The following TNNI3K variants were observed in gnomAD, a reference collection of about 807,000 sequenced individuals.
The protein encoded by TNNI3K is TNNI3 interacting kinase.
Under a neutral mutation model 114.5 loss-of-function variants are expected in TNNI3K, and 140 were observed. The observed-to-expected ratio is 1.22, with a 90% CI of 1.07 to 1.41. TNNI3K has a LOEUF of 1.41. Among genes scored for constraint, TNNI3K ranks in the 40% most tolerant of loss-of-function variants. TNNI3K has a pLI of 0.00. For synonymous variants in TNNI3K, 347 were observed against 347.5 expected (o/e 1.00, Z 0.02); for missense variants, 1,125 against 1,007.6 (o/e 1.12, Z -1.58).
At chr1:74,332,956 CAAAAAAA>C (rs796977281) in intron 6 of TNNI3K, among the ~76,000 whole-genome samples, 10 of 92,700 alleles carry the variant, frequency 1.1e-4, no homozygotes, top group Non-Finnish European at 2.0e-4. Context: ...CTGAAAATAA[CAAAAAAA>C]AAAAAAAAAA....
chr1:74,527,100 C>T (rs369399612), intron 23 of TNNI3K, among the ~76,000 whole-genome samples: 5 of 152,300 alleles, frequency 3.3e-5, no homozygotes, highest in South Asian at 4.1e-4. Context: ...AAACTGTATA[C>T]ATTGGAAATC....
chr1:74,289,294 T>G (rs1657524086), intron 5 of TNNI3K, among the ~76,000 whole-genome samples: 1 of 152,002 alleles, frequency 6.6e-6, no homozygotes, highest in Non-Finnish European at 1.5e-5. Context: ...TGATCACATT[T>G]TGTCTTTAAA....
chr1:74,459,217 C>T (rs1188019288), intron 20 of TNNI3K, among the ~76,000 whole-genome samples: 1 of 152,132 alleles, frequency 6.6e-6, no homozygotes, highest in Non-Finnish European at 1.5e-5. Flanking sequence ...AGGCCATTAT[C>T]CTAAGGGAAA....
chr1:74,491,424 T>G (rs12097159), intron 22 of TNNI3K, among the ~76,000 whole-genome samples: 4,856 of 152,270 alleles, frequency 0.032, 196 homozygotes, highest in East Asian at 0.15. Context: ...TTCACCATGT[T>G]GACCAGATGG....
intron 17 of TNNI3K, among the ~76,000 whole-genome samples, chr1:74,406,076 A>G (rs773637628): frequency 1.3e-5 from 2 of 152,186 alleles, no homozygotes; most frequent in Non-Finnish European, 2.9e-5. Flanking sequence ...TTGATCTCCT[A>G]TTGGGAGGCT....
chr1:74,515,565 G>A (rs959337510), intron 23 of TNNI3K, among the ~76,000 whole-genome samples: 1 of 152,100 alleles, frequency 6.6e-6, no homozygotes, highest in African/African-American at 2.4e-5. Context: ...GTCTAATTAG[G>A]GCAGAAGTCA....
chr1:74,490,367 T>C (rs1444034170), intron 22 of TNNI3K, among the ~76,000 whole-genome samples: 2 of 152,206 alleles, frequency 1.3e-5, no homozygotes, highest in Non-Finnish European at 2.9e-5. Flanking sequence ...AAGACTTGAA[T>C]TTAAAATATC....
At chr1:74,461,501 A>C (rs1363689823) in intron 20 of TNNI3K, among the ~76,000 whole-genome samples, 1 of 149,960 alleles carries the variant, frequency 6.7e-6, no homozygotes, top group Non-Finnish European at 1.5e-5. Context: ...AAAAAAAAAG[A>C]GTAACCAGTG....
At chr1:74,388,509 T>C (rs1320160606) in intron 17 of TNNI3K, among the ~76,000 whole-genome samples, 1 of 152,104 alleles carries the variant, frequency 6.6e-6, no homozygotes, top group Non-Finnish European at 1.5e-5. Context: ...AACTAATCAG[T>C]CTCCCTCTCC....
At chr1:74,481,017 G>A (rs1392754275) in intron 21 of TNNI3K, 5 of 660,650 alleles carry the variant, frequency 7.6e-6, no homozygotes, top group South Asian at 7.0e-5. Context: ...ATGAGTGGGA[G>A]GGAGGGGGTA....
chr1:74,482,498 C>A (rs1210922859), intron 21 of TNNI3K, among the ~76,000 whole-genome samples: 1 of 152,138 alleles, frequency 6.6e-6, no homozygotes, highest in African/African-American at 2.4e-5. Flanking sequence ...ATCAACTATC[C>A]ATGAAAACCT....
chr1:74,295,002 A>G (rs574172269), intron 5 of TNNI3K, among the ~76,000 whole-genome samples: 54 of 151,968 alleles, frequency 3.6e-4, no homozygotes, highest in African/African-American at 1.3e-3. Flanking sequence ...ATTGTTTAAT[A>G]TTTACATTTA....
chr1:74,452,521 A>G (rs1463722221), intron 20 of TNNI3K, among the ~76,000 whole-genome samples: 4 of 152,118 alleles, frequency 2.6e-5, no homozygotes, highest in Non-Finnish European at 4.4e-5. Context: ...TCTGAAATCC[A>G]TCCAGTTATC....
chr1:74,259,329 A>C (rs904343778), intron 4 of TNNI3K, among the ~76,000 whole-genome samples: 2 of 152,344 alleles, frequency 1.3e-5, no homozygotes, highest in African/African-American at 4.8e-5. Flanking sequence ...TAAAGGCCCA[A>C]GAACGAGGAT....
chr1:74,404,312 A>G (rs958913700), intron 17 of TNNI3K, among the ~76,000 whole-genome samples: 2 of 151,922 alleles, frequency 1.3e-5, no homozygotes, highest in Non-Finnish European at 2.9e-5. Flanking sequence ...TTGTTTCTCT[A>G]TCTATTGCTC....
At chr1:74,445,232 T>C (rs1301709464) in intron 20 of TNNI3K, among the ~76,000 whole-genome samples, 6 of 141,356 alleles carry the variant, frequency 4.2e-5, no homozygotes, top group Admixed American at 2.1e-4. Context: ...TTTTTTTTTT[T>C]ATTATACTTT....
intron 17 of TNNI3K, among the ~76,000 whole-genome samples, chr1:74,415,798 C>G (rs530225777): frequency 1.4e-4 from 21 of 151,340 alleles, no homozygotes; most frequent in African/African-American, 5.1e-4. Context: ...AGATTATGGT[C>G]ATCTTTATAT....
intron 5 of TNNI3K, among the ~76,000 whole-genome samples, chr1:74,322,853 C>T (rs527288945): frequency 2.0e-5 from 3 of 152,186 alleles, no homozygotes; most frequent in Admixed American, 2.0e-4. Context: ...CAAAACAAAA[C>T]AAAACTTACT....
At chr1:74,512,765 C>G (rs759098287) in intron 23 of TNNI3K, among the ~76,000 whole-genome samples, 10 of 152,172 alleles carry the variant, frequency 6.6e-5, no homozygotes, top group Non-Finnish European at 1.5e-4. Flanking sequence ...CTACCACTGA[C>G]GGGTTGCTAT....
Sources: allele counts gnomAD v4.1 joint callset (sites outside exome capture counted in the v4.1 genomes callset), GRCh38; gene constraint gnomAD v4.1.1; transcripts MANE v1.5; gene names NCBI Gene and HGNC (gene_info 2026-07-23, HGNC 2026-07-21).